Variants in SPAST observed in about 807,000 individuals in gnomAD.
SPAST encodes spastic paraplegia 4 (autosomal dominant; spastin).
SPAST carries 30 observed loss-of-function variants against 76.6 expected under a neutral mutation model. That is an observed-to-expected ratio of 0.39 (90% CI 0.29 to 0.53). SPAST has a LOEUF of 0.53. Among genes scored for constraint, SPAST ranks in the 20% least tolerant of loss-of-function variants. The pLI is 0.68. For synonymous variants in SPAST, 305 were observed against 281.0 expected (o/e 1.09, Z -0.86); for missense variants, 717 against 770.5 (o/e 0.93, Z 0.82).
intron 1 of SPAST, among the ~76,000 whole-genome samples, chr2:32,069,860 ACTTAT>A (rs1224571202): frequency 6.6e-6 from 1 of 151,894 alleles, no homozygotes; most frequent in Non-Finnish European, 1.5e-5. Flanking sequence ...CGCCTGGCCT[ACTTAT>A]CTTCTAATTT....
Position 32,098,258 on chromosome 2 carries a change from G to A in SPAST, c.587-538G>A, listed in dbSNP as rs141459967. Among the ~76,000 whole-genome samples, 551 of 152,206 alleles carry A rather than the reference G, an allele frequency of 3.6e-3. 2 individuals are homozygous for A. Among genetic ancestry groups the A allele is most frequent in the Middle Eastern group, 6.8e-3 (2 of 294 alleles). ...AGGCGGGAGGATCGCTTAAGGCCAG[G>A]AGCTTGAGCCCAGCCTGTGGAACAT... On this transcript the variant is annotated intron_variant, in intron 3 of 16. Coordinates refer to ENST00000315285, the MANE Select transcript of SPAST (RefSeq NM_014946.4).
chr2:32,105,171 A>G (rs1402652458), intron 4 of SPAST, among the ~76,000 whole-genome samples: 5 of 151,898 alleles, frequency 3.3e-5, no homozygotes, highest in Non-Finnish European at 7.4e-5. Flanking sequence ...TTTTTTCTCT[A>G]AACTTCTCTT....
At chr2:32,133,041 C>T (rs1167102717) in intron 9 of SPAST, among the ~76,000 whole-genome samples, 3 of 118,108 alleles carry the variant, frequency 2.5e-5, no homozygotes, top group Non-Finnish European at 5.6e-5. Context: ...AGTGAAACTC[C>T]ATCTCAAAAA....
At chr2:32,074,770 G>T (rs1174380580) in intron 1 of SPAST, among the ~76,000 whole-genome samples, 1 of 152,036 alleles carries the variant, frequency 6.6e-6, no homozygotes, top group East Asian at 1.9e-4. Context: ...GCCTCCCAAA[G>T]TGCTGAGATT....
intron 1 of SPAST, among the ~76,000 whole-genome samples, chr2:32,083,246 A>G (rs1677311578): frequency 6.6e-6 from 1 of 152,092 alleles, no homozygotes; most frequent in African/African-American, 2.4e-5. Context: ...GTGAGCCACC[A>G]TGCCCATCCT....
intron 12 of SPAST, among the ~76,000 whole-genome samples, chr2:32,137,742 CGTGGGTATATTGCACCCAGGTA>C (rs1679585488): frequency 6.6e-6 from 1 of 152,072 alleles, no homozygotes; most frequent in Admixed American, 6.6e-5. Flanking sequence ...GGATGGGTTA[CGTGGGTATATTGCACCCAGGTA>C]GTGAGCATAG....
intron 7 of SPAST, among the ~76,000 whole-genome samples, chr2:32,117,758 C>T (rs971236821): frequency 6.6e-6 from 1 of 152,090 alleles, no homozygotes; most frequent in Non-Finnish European, 1.5e-5. Context: ...TCTCAAACTC[C>T]TGGCTTCAGA....
intron 9 of SPAST, among the ~76,000 whole-genome samples, chr2:32,134,703 T>C (rs1307952133): frequency 1.3e-5 from 2 of 152,152 alleles, no homozygotes; most frequent in African/African-American, 4.8e-5. Context: ...GCCTAGCTTT[T>C]TATTTTTTTG....
chr2:32,141,776 A>G, intron 12 of SPAST, 128 bp from the exon 13 acceptor site: 1 of 697,314 alleles, frequency 1.4e-6, no homozygotes, highest in Admixed American at 2.7e-5. Context: ...AAATATTTTT[A>G]CATTGATAAC....
chr2:32,112,392 G>A (rs1381259250), intron 4 of SPAST, among the ~76,000 whole-genome samples: 2 of 143,950 alleles, frequency 1.4e-5, no homozygotes, highest in East Asian at 4.4e-4. Flanking sequence ...CTGTTGCCCA[G>A]GCTGGAGTGC....
intron 15 of SPAST, 156 bp from the exon 16 acceptor site, chr2:32,147,062 T>C (rs1679909826): frequency 1.7e-6 from 1 of 594,982 alleles, no homozygotes; most frequent in Admixed American, 2.9e-5. Flanking sequence ...ATTTATAAAT[T>C]GTATTTGCTC....
At chr2:32,072,856 G>A (rs1676807045) in intron 1 of SPAST, among the ~76,000 whole-genome samples, 2 of 152,090 alleles carry the variant, frequency 1.3e-5, no homozygotes, top group South Asian at 4.1e-4. Context: ...CTTTCTTTGG[G>A]CCTAATGATT....
rs1677720933 is a variant in SPAST, at chr2:32,091,623, G to A, written c.586+2018G>A. 4.0e-5 allele frequency among the ~76,000 whole-genome samples: 6 copies of A among 149,692 alleles called. No homozygotes were observed. In the South Asian group the frequency reaches 1.3e-3, roughly 33 times the overall value. The stretch of plus-strand genomic sequence containing the variant: ...CGAGGCGGGTGGATCACGAGGTCAG[G>A]AGATTGAGACCATCCTGGCTAACAC... On this transcript the variant is annotated intron_variant, in intron 3 of 16. Transcript: ENST00000315285.
At chr2:32,140,563 GC>G (rs1333794310) in intron 12 of SPAST, among the ~76,000 whole-genome samples, 1 of 151,850 alleles carries the variant, frequency 6.6e-6, no homozygotes, top group African/African-American at 2.4e-5. Context: ...GTTGCAGTGA[GC>G]CAAGACGGCG....
chr2:32,138,372 A>G (rs1052835111), intron 12 of SPAST, among the ~76,000 whole-genome samples: 1 of 152,148 alleles, frequency 6.6e-6, no homozygotes, highest in Non-Finnish European at 1.5e-5. Flanking sequence ...CATTTTATTA[A>G]TAGCCATTCT....
At position 32,115,798 on chromosome 2, in the gene SPAST, A is replaced by G. The variant is rs1378130321; in HGVS notation, c.967A>G (p.Asn323Asp). 1 of 1,611,556 alleles carries G rather than the reference A, an allele frequency of 6.2e-7. No individual in the cohort carries two copies. Among genetic ancestry groups the G allele is most frequent in the Non-Finnish European group, 8.5e-7 (1 of 1,178,198 alleles). Residue 323 changes from asparagine to aspartate, a missense_variant, in exon 6 of 17, where the codon AAC becomes GAC. Asn to Asp is a conservative substitution (Grantham distance 23). This residue lies in a region of SPAST where 543 missense variants were observed against 445.2 expected (regional missense o/e 1.22). Coordinates refer to ENST00000315285, the MANE Select transcript of SPAST (RefSeq NM_014946.4). Reference protein sequence around the residue: ...DLKNFRNVDSNLANLIMNEIV... With the variant: ...DLKNFRNVDSDLANLIMNEIV... ...GAAGAATTTTAGGAATGTGGACAGCAACCTTGCTAACCTTATAATGAATGA... is the reference window on the plus strand; with the variant it reads ...GAAGAATTTTAGGAATGTGGACAGCGACCTTGCTAACCTTATAATGAATGA...
In SPAST at chr2:32,154,574, C is replaced by G; in HGVS notation, c.*78C>G. On this transcript the variant is annotated 3_prime_UTR_variant, in exon 17 of 17. Transcript: ENST00000315285. ...GATCTTCAATGAACGTCATCGGCTA[C>G]AGAAACAGCCTAAGTTTACAGGACT... The G allele has an allele frequency of 7.0e-7, 1 of 1,430,624 alleles. No homozygotes were observed. 88.6% of individuals were successfully genotyped at this position (1,430,624 alleles called of 1,614,324 possible). A position where few individuals can be genotyped will look rare whatever the true frequency, so the allele number is the denominator to read the frequency against.
chr2:32,128,697 ACCGTAAAC>A, intron 9 of SPAST: 1 of 543,806 alleles, frequency 1.8e-6, no homozygotes, highest in Non-Finnish European at 3.3e-6. Flanking sequence ...GTAATAAAAT[ACCGTAAAC>A]TGGCTGGCTT....
chr2:32,087,287 A>C (rs1009158196), intron 1 of SPAST, among the ~76,000 whole-genome samples: 17 of 152,218 alleles, frequency 1.1e-4, no homozygotes, highest in Admixed American at 2.6e-4. Flanking sequence ...CACGGCCCCA[A>C]AATGTTGATA....
Sources: allele counts gnomAD v4.1 joint callset (sites outside exome capture counted in the v4.1 genomes callset), GRCh38; gene constraint gnomAD v4.1.1; regional missense constraint gnomAD v4.1.1; transcripts MANE v1.5; gene names NCBI Gene and HGNC (gene_info 2026-07-23, HGNC 2026-07-21).